The following HDAC9 variants were observed in gnomAD, a reference collection of about 807,000 sequenced individuals.
HDAC9 encodes the protein MEF-2 interacting transcription repressor (MITR) protein.
In HDAC9, 41 loss-of-function variants were observed where a neutral mutation model predicts 139.4. That is an observed-to-expected ratio of 0.29 (90% confidence interval 0.23 to 0.38). HDAC9 has a LOEUF of 0.38. Among genes scored for constraint, HDAC9 ranks in the 10% least tolerant of loss-of-function variants. The pLI is 1.00. For missense variants in HDAC9, 1,147 were observed against 1,297.0 expected (o/e 0.88, Z 1.78); for synonymous variants, 517 against 476.2 (o/e 1.09, Z -1.12).
At chr7:18,158,629 G>A (rs778657956) in intron 1 of HDAC9, among the ~76,000 whole-genome samples, 2 of 152,174 alleles carry the variant, frequency 1.3e-5, no homozygotes, top group Non-Finnish European at 2.9e-5. Flanking sequence ...AATAACAGCT[G>A]ATTCGGTATA....
intron 2 of HDAC9, among the ~76,000 whole-genome samples, chr7:18,568,315 T>TA (rs1195501125): frequency 6.6e-6 from 1 of 151,982 alleles, no homozygotes; most frequent in Non-Finnish European, 1.5e-5. Context: ...ATATGCAAGA[T>TA]AAAAAACACT....
chr7:18,528,355 G>A (rs936036057), intron 2 of HDAC9, among the ~76,000 whole-genome samples: 5 of 151,368 alleles, frequency 3.3e-5, no homozygotes, highest in Admixed American at 2.0e-4. Context: ...TAGCATATTA[G>A]AACAAATAAC....
At chr7:18,215,304 C>T (rs745993021) in intron 2 of HDAC9, among the ~76,000 whole-genome samples, 4 of 152,074 alleles carry the variant, frequency 2.6e-5, no homozygotes, top group Non-Finnish European at 5.9e-5. Context: ...CATATTAGTT[C>T]TAGAGAAAGT....
chr7:18,986,997 A>G (rs1207548529), intron 25 of HDAC9, among the ~76,000 whole-genome samples: 2 of 152,212 alleles, frequency 1.3e-5, no homozygotes, highest in Non-Finnish European at 2.9e-5. Context: ...TAGATATACA[A>G]TCATGTCATC....
intron 1 of HDAC9, among the ~76,000 whole-genome samples, chr7:18,482,223 C>T (rs1795610474): frequency 6.6e-6 from 1 of 151,338 alleles, no homozygotes; most frequent in Admixed American, 6.6e-5. Context: ...ACCATGGACC[C>T]TCATGTGCCC....
At chr7:18,954,688 CTT>C (rs1406119843) in intron 24 of HDAC9, among the ~76,000 whole-genome samples, 1 of 151,970 alleles carries the variant, frequency 6.6e-6, no homozygotes, top group African/African-American at 2.4e-5. Flanking sequence ...AAGTCATAGA[CTT>C]TTTTTATTAT....
At chr7:18,670,041 T>G (rs145922307) in intron 12 of HDAC9, among the ~76,000 whole-genome samples, 304 of 151,978 alleles carry the variant, frequency 2.0e-3, no homozygotes, top group East Asian at 8.7e-3. Context: ...TAGATATATA[T>G]AGAGTATTGT....
intron 1 of HDAC9, among the ~76,000 whole-genome samples, chr7:18,488,819 A>G (rs1201295849): frequency 6.6e-6 from 1 of 152,064 alleles, no homozygotes; most frequent in Non-Finnish European, 1.5e-5. Flanking sequence ...TGATGGTCAC[A>G]TTGAGATCAT....
intron 1 of HDAC9, among the ~76,000 whole-genome samples, chr7:18,089,198 G>T (rs931744063): frequency 6.8e-6 from 1 of 147,394 alleles, no homozygotes; most frequent in African/African-American, 2.4e-5. Context: ...CAGTTTATGG[G>T]TAGGAGACAG....
intron 1 of HDAC9, among the ~76,000 whole-genome samples, chr7:18,119,889 A>G (rs910117250): frequency 2.0e-5 from 3 of 152,188 alleles, no homozygotes; most frequent in African/African-American, 7.2e-5. Flanking sequence ...CATAGGTGTC[A>G]TATTGAGAAT....
intron 1 of HDAC9, among the ~76,000 whole-genome samples, chr7:18,329,680 AGAACAT>A (rs1323593800): frequency 6.6e-6 from 1 of 151,780 alleles, no homozygotes; most frequent in Admixed American, 6.6e-5. Context: ...AGATTGCTCA[AGAACAT>A]GGGCCAGAGT....
At chr7:18,989,832 C>A (rs1785716771) in intron 25 of HDAC9, among the ~76,000 whole-genome samples, 1 of 140,248 alleles carries the variant, frequency 7.1e-6, no homozygotes, top group East Asian at 2.0e-4. Flanking sequence ...ACCCTTTCTT[C>A]CAGTTGATCG....
intron 1 of HDAC9, among the ~76,000 whole-genome samples, chr7:18,420,714 A>T (rs1316914397): frequency 6.6e-6 from 1 of 152,280 alleles, no homozygotes; most frequent in African/African-American, 2.4e-5. Flanking sequence ...ATCTTACAGA[A>T]CTCATTTTTT....
At chr7:18,896,572 C>G (rs866473012) in intron 22 of HDAC9, among the ~76,000 whole-genome samples, 7 of 152,050 alleles carry the variant, frequency 4.6e-5, no homozygotes, top group Admixed American at 6.6e-5. Context: ...TAAAACTGCC[C>G]AGACCCCATT....
intron 1 of HDAC9, among the ~76,000 whole-genome samples, chr7:18,389,921 T>C (rs1184386847): frequency 6.6e-6 from 1 of 151,906 alleles, no homozygotes; most frequent in East Asian, 1.9e-4. Flanking sequence ...GAGGATACAG[T>C]TTTATATTTA....
At chr7:18,922,187 C>T (rs1306172473) in intron 22 of HDAC9, among the ~76,000 whole-genome samples, 2 of 151,788 alleles carry the variant, frequency 1.3e-5, no homozygotes, top group Admixed American at 1.3e-4. Context: ...ATGTAACAAA[C>T]CTGCACGTTG....
At chr7:18,187,472 T>C (rs1400970774) in intron 2 of HDAC9, among the ~76,000 whole-genome samples, 1 of 152,248 alleles carries the variant, frequency 6.6e-6, no homozygotes, top group Non-Finnish European at 1.5e-5. Flanking sequence ...GACTTTCTTC[T>C]TTCTATGAAC....
chr7:18,363,598 C>T (rs1783948219), intron 1 of HDAC9, among the ~76,000 whole-genome samples: 1 of 152,112 alleles, frequency 6.6e-6, no homozygotes, highest in South Asian at 2.1e-4. Flanking sequence ...TATTGATTCA[C>T]TAAGAACCAC....
intron 2 of HDAC9, among the ~76,000 whole-genome samples, chr7:18,279,845 C>G (rs941874092): frequency 7.2e-5 from 11 of 152,118 alleles, no homozygotes; most frequent in African/African-American, 2.4e-4. Flanking sequence ...TGTAAATTGA[C>G]CAAATATTAT....
Sources: allele counts gnomAD v4.1 joint callset (sites outside exome capture counted in the v4.1 genomes callset), GRCh38; gene constraint gnomAD v4.1.1; transcripts MANE v1.5; gene names NCBI Gene and HGNC (gene_info 2026-07-23, HGNC 2026-07-21).